AGBL4: variants seen among roughly 807,000 people sequenced by gnomAD.
AGBL4 encodes AGBL carboxypeptidase 4.
A neutral mutation model predicts 66.4 loss-of-function variants in AGBL4; 58 were observed. The ratio of observed to expected loss-of-function variants is 0.87; its 90% CI spans 0.71 to 1.09. The LOEUF (loss-of-function observed/expected upper bound fraction) is 1.09, where lower values mean the gene tolerates loss of function less well. Ranked by LOEUF, AGBL4 falls within the 50% of genes least tolerant of loss-of-function variation. The pLI is 0.00. For missense variants in AGBL4, 579 were observed against 631.0 expected (o/e 0.92, Z 0.88); for synonymous variants, 234 against 222.9 (o/e 1.05, Z -0.44).
At chr1:49,245,904 C>A (rs1226105047) in intron 3 of AGBL4, 40 bp from the exon 4 acceptor site, 1 of 1,391,540 alleles carries the variant, frequency 7.2e-7, no homozygotes. Flanking sequence ...TTATGCTATG[C>A]AAATTGTAAC....
At chr1:48,880,963 G>A (rs1044607213) in intron 5 of AGBL4, among the ~76,000 whole-genome samples, 8 of 152,068 alleles carry the variant, frequency 5.3e-5, no homozygotes, top group African/African-American at 1.9e-4. Context: ...TATGGAAAGA[G>A]CATAGTTTAC....
intron 6 of AGBL4, among the ~76,000 whole-genome samples, chr1:48,808,411 C>G (rs1194173323): frequency 6.6e-6 from 1 of 152,094 alleles, no homozygotes; most frequent in Non-Finnish European, 1.5e-5. Context: ...TGTTAAGATT[C>G]TTCCCAAGGT....
intron 5 of AGBL4, among the ~76,000 whole-genome samples, chr1:49,004,220 A>C (rs1034558847): frequency 7.2e-5 from 11 of 152,162 alleles, no homozygotes; most frequent in South Asian, 2.1e-4. Flanking sequence ...GGATTTTTTC[A>C]CTCTCAATAT....
chr1:49,740,295 G>C (rs959594988), intron 2 of AGBL4, among the ~76,000 whole-genome samples: 68 of 152,220 alleles, frequency 4.5e-4, no homozygotes, highest in Non-Finnish European at 6.0e-4. Context: ...GATCAAAAGA[G>C]ACAAAGAAGG....
At chr1:49,659,519 C>G (rs1234409831) in intron 3 of AGBL4, among the ~76,000 whole-genome samples, 1 of 152,080 alleles carries the variant, frequency 6.6e-6, no homozygotes, top group African/African-American at 2.4e-5. Flanking sequence ...ACAAAACAGA[C>G]TTTAAACCAA....
chr1:49,297,808 T>A (rs1437044101), intron 3 of AGBL4, among the ~76,000 whole-genome samples: 1 of 152,176 alleles, frequency 6.6e-6, no homozygotes, highest in Admixed American at 6.5e-5. Context: ...AAGCCTATTA[T>A]GATTTCCTAA....
At chr1:48,739,048 G>A (rs1649504615) in intron 6 of AGBL4, among the ~76,000 whole-genome samples, 1 of 152,144 alleles carries the variant, frequency 6.6e-6, no homozygotes, top group African/African-American at 2.4e-5. Flanking sequence ...TGCCACCACG[G>A]TGGTACTGAT....
chr1:49,287,057 C>T (rs1379169079), intron 3 of AGBL4, among the ~76,000 whole-genome samples: 2 of 148,978 alleles, frequency 1.3e-5, no homozygotes, highest in Admixed American at 6.7e-5. Context: ...GAAATAACGC[C>T]GCATATCTAC....
At chr1:49,249,076 A>C (rs1229336196) in intron 3 of AGBL4, among the ~76,000 whole-genome samples, 2 of 152,206 alleles carry the variant, frequency 1.3e-5, no homozygotes, top group Non-Finnish European at 2.9e-5. Context: ...AGAGTGGTCC[A>C]ATGTGGGTAA....
chr1:49,277,796 T>C (rs1644198703), intron 3 of AGBL4, among the ~76,000 whole-genome samples: 1 of 151,950 alleles, frequency 6.6e-6, no homozygotes, highest in South Asian at 2.1e-4. Context: ...CCACTCCAAC[T>C]TGCCCCATAC....
chr1:49,262,314 TTAAAC>T (rs1427682550), intron 3 of AGBL4, among the ~76,000 whole-genome samples: 1 of 152,142 alleles, frequency 6.6e-6, no homozygotes, highest in Non-Finnish European at 1.5e-5. Flanking sequence ...TGGGATCTAA[TTAAAC>T]TAAAGAGCTT....
intron 3 of AGBL4, among the ~76,000 whole-genome samples, chr1:49,664,259 G>A (rs369586786): frequency 3.3e-5 from 5 of 152,088 alleles, no homozygotes; most frequent in East Asian, 1.9e-4. Flanking sequence ...AATGTCAGAA[G>A]ACAATGGAGT....
the AGBL4 span, among the ~76,000 whole-genome samples, chr1:48,527,541 G>A: frequency 1.3e-5 from 2 of 151,328 alleles, no homozygotes; most frequent in Non-Finnish European, 2.9e-5. Context: ...AGATTGCAGT[G>A]AGCTGAGATC....
rs1044122922 is a variant in AGBL4, at chr1:49,733,419, C to T, written c.158-35982G>A. Among the ~76,000 whole-genome samples the T allele has an allele frequency of 2.0e-5, 3 of 152,130 alleles. No homozygotes were observed. The East Asian group carries it at 5.8e-4, about 29-fold the overall frequency. On this transcript the variant is annotated intron_variant, in intron 2 of 13. Transcript: ENST00000371839. ...TACTTTTCTCTAAAAGGCACAATAT[C>T]GTATAAGAAATTTGACATCTTAGCT...
chr1:49,511,255 C>T (rs1232533172), intron 3 of AGBL4, among the ~76,000 whole-genome samples: 1 of 151,570 alleles, frequency 6.6e-6, no homozygotes, highest in Non-Finnish European at 1.5e-5. Context: ...CACATATACA[C>T]CATGGAATAC....
Position 50,023,938 on chromosome 1 carries a change from G to A in AGBL4, c.-142C>T. ...TGGGCAACGGGCGGCAGGCGCGCGG[G>A]TGGCCGGCGCGCGGCTGAGGGCGGG... On this transcript the variant is annotated 5_prime_UTR_variant, in exon 1 of 14. Transcript: ENST00000371839. 2 of 922,218 alleles carry A rather than the reference G, an allele frequency of 2.2e-6. No homozygotes were observed. The highest frequency in any genetic ancestry group is 3.1e-6 in the Non-Finnish European group (2 of 652,402). The allele number at this position is 922,218 out of a possible 1,614,324, so 57.1% of individuals were successfully genotyped here. A position where few individuals can be genotyped will look rare whatever the true frequency, so the allele number is the denominator to read the frequency against.
chr1:49,439,302 G>C (rs1645972893), intron 3 of AGBL4, among the ~76,000 whole-genome samples: 1 of 152,126 alleles, frequency 6.6e-6, no homozygotes, highest in Non-Finnish European at 1.5e-5. Flanking sequence ...TAGCATGCCT[G>C]GCAGGAAGTA....
chr1:48,789,913 T>C (rs1294671788), intron 6 of AGBL4, among the ~76,000 whole-genome samples: 2 of 152,198 alleles, frequency 1.3e-5, no homozygotes, highest in East Asian at 3.9e-4. Flanking sequence ...CTCTTACCAC[T>C]TCCTAGGTGG....
At chr1:49,825,393 T>G (rs912601932) in intron 2 of AGBL4, among the ~76,000 whole-genome samples, 4 of 152,208 alleles carry the variant, frequency 2.6e-5, no homozygotes, top group African/African-American at 7.2e-5. Flanking sequence ...AATAGGCATT[T>G]GATACATTAC....
Sources: allele counts gnomAD v4.1 joint callset (sites outside exome capture counted in the v4.1 genomes callset), GRCh38; gene constraint gnomAD v4.1.1; transcripts MANE v1.5; gene names NCBI Gene and HGNC (gene_info 2026-07-23, HGNC 2026-07-21).